The following CELF2 variants were observed in gnomAD, a reference collection of about 807,000 sequenced individuals.
The protein encoded by CELF2 is CUG triplet repeat RNA-binding protein 2.
In CELF2, 8 loss-of-function variants were observed where a neutral mutation model predicts 62.6. The ratio of observed to expected loss-of-function variants is 0.13; its 90% confidence interval spans 0.07 to 0.23. The LOEUF (loss-of-function observed/expected upper bound fraction) is 0.23, where lower values mean the gene tolerates loss of function less well. Ranked by LOEUF, CELF2 falls within the 10% of genes least tolerant of loss-of-function variation. CELF2 has a pLI of 1.00. For synonymous variants in CELF2, 258 were observed against 250.0 expected, an observed-to-expected ratio of 1.03 and a Z score of -0.30; for missense variants, 333 against 671.0, an observed-to-expected ratio of 0.50 and a Z score of 5.56.
chr10:10,792,080 G>GGGAGGAA, the CELF2 span, among the ~76,000 whole-genome samples: 1 of 147,700 alleles, frequency 6.8e-6, no homozygotes, highest in Non-Finnish European at 1.5e-5. Context: ...AAGGAGGAAA[G>GGGAGGAA]GGAGGGAGGG....
At chr10:11,271,850 G>A (rs1406473131) in intron 7 of CELF2, among the ~76,000 whole-genome samples, 1 of 152,048 alleles carries the variant, frequency 6.6e-6, no homozygotes, top group Admixed American at 6.5e-5. Context: ...TGTGTCAAAT[G>A]ATCCTCCCTA....
chr10:11,026,694 A>T (rs1192802095), intron 1 of CELF2, among the ~76,000 whole-genome samples: 1 of 152,150 alleles, frequency 6.6e-6, no homozygotes, highest in Non-Finnish European at 1.5e-5. Flanking sequence ...TATATGTTTT[A>T]AAAAATCTCC....
At chr10:10,511,797 C>T in the CELF2 span, among the ~76,000 whole-genome samples, 1 of 152,120 alleles carries the variant, frequency 6.6e-6, no homozygotes, top group East Asian at 1.9e-4. Flanking sequence ...TACAAATAGC[C>T]ACTTCAAACC....
chr10:10,839,846 A>C (rs1319831750), intron 1 of CELF2, among the ~76,000 whole-genome samples: 1 of 152,238 alleles, frequency 6.6e-6, no homozygotes, highest in East Asian at 1.9e-4. Context: ...CACTGCCCTA[A>C]AAATTCCTCT....
the CELF2 span, among the ~76,000 whole-genome samples, chr10:10,471,145 A>T: frequency 6.6e-6 from 1 of 151,684 alleles, no homozygotes; most frequent in African/African-American, 2.4e-5. Flanking sequence ...ATATATTTTG[A>T]TTTATGTCCC....
intron 2 of CELF2, among the ~76,000 whole-genome samples, chr10:11,166,701 A>G (rs1354831034): frequency 1.3e-5 from 2 of 152,072 alleles, no homozygotes; most frequent in South Asian, 2.1e-4. Flanking sequence ...TGCTTCTCCT[A>G]AGACCTCTGA....
At chr10:11,146,535 A>C (rs574251581) in intron 1 of CELF2, among the ~76,000 whole-genome samples, 1 of 152,172 alleles carries the variant, frequency 6.6e-6, no homozygotes, top group Non-Finnish European at 1.5e-5. Context: ...GTCTGTGGTC[A>C]TGGTTAACTG....
intron 1 of CELF2, among the ~76,000 whole-genome samples, chr10:10,848,949 AG>A (rs1209152095): frequency 1.3e-5 from 2 of 152,164 alleles, no homozygotes; most frequent in Admixed American, 1.3e-4. Context: ...ACCTGGGTGA[AG>A]GGGAAAAAAA....
the CELF2 span, among the ~76,000 whole-genome samples, chr10:10,523,222 G>C: frequency 2.0e-5 from 3 of 152,150 alleles, no homozygotes; most frequent in South Asian, 4.1e-4. Flanking sequence ...TCCACACAGT[G>C]ACTTCAAGCC....
At chr10:11,182,122 C>T (rs2073599626) in intron 2 of CELF2, among the ~76,000 whole-genome samples, 1 of 152,214 alleles carries the variant, frequency 6.6e-6, no homozygotes, top group African/African-American at 2.4e-5. Context: ...AGCAAGGGCT[C>T]TGAGCCCTCT....
intron 2 of CELF2, among the ~76,000 whole-genome samples, chr10:11,176,429 AAAATC>A (rs1288166475): frequency 6.6e-5 from 10 of 152,206 alleles, no homozygotes; most frequent in African/African-American, 2.4e-4. Context: ...CTGATGGATC[AAAATC>A]CCCTTGGCAC....
At chr10:10,757,628 A>C in the CELF2 span, among the ~76,000 whole-genome samples, 21 of 152,328 alleles carry the variant, frequency 1.4e-4, no homozygotes, top group Admixed American at 1.4e-3. Flanking sequence ...AAATATAAAA[A>C]GAGATACAAA....
the CELF2 span, among the ~76,000 whole-genome samples, chr10:10,583,610 A>G: frequency 0.38 from 57,574 of 151,976 alleles, 12,308 homozygotes; most frequent in East Asian, 0.6. Flanking sequence ...CAGGACTGGA[A>G]ATCAGTTTCT....
At chr10:10,893,412 A>G (rs2062295474) in intron 1 of CELF2, among the ~76,000 whole-genome samples, 1 of 152,194 alleles carries the variant, frequency 6.6e-6, no homozygotes. Flanking sequence ...GCTTAAACCC[A>G]GGAGTCAGGC....
At chr10:11,251,175 A>G (rs2077016953) in intron 4 of CELF2, among the ~76,000 whole-genome samples, 1 of 150,912 alleles carries the variant, frequency 6.6e-6, no homozygotes, top group Non-Finnish European at 1.5e-5. Context: ...GGTTTGTCTC[A>G]CTTCTGAACC....
chr10:10,767,483 T>C, the CELF2 span, among the ~76,000 whole-genome samples: 2 of 152,016 alleles, frequency 1.3e-5, no homozygotes, highest in African/African-American at 2.4e-5. Flanking sequence ...ATAAATAAAA[T>C]ATATATGTTA....
At chr10:10,636,458 G>C in the CELF2 span, among the ~76,000 whole-genome samples, 5 of 152,316 alleles carry the variant, frequency 3.3e-5, no homozygotes, top group African/African-American at 1.2e-4. Flanking sequence ...TTATGTTAAT[G>C]CTCTGTGCTA....
chr10:10,901,017 G>A (rs1269123001), intron 1 of CELF2, among the ~76,000 whole-genome samples: 1 of 152,208 alleles, frequency 6.6e-6, no homozygotes, highest in Admixed American at 6.5e-5. Context: ...ACAAAACATT[G>A]TGGAGAGAAA....
chr10:10,641,869 T>A, the CELF2 span, among the ~76,000 whole-genome samples: 6 of 152,228 alleles, frequency 3.9e-5, no homozygotes, highest in African/African-American at 1.2e-4. Context: ...AGTAGGTAAC[T>A]CTTAGGTTGC....
Sources: allele counts gnomAD v4.1 joint callset (sites outside exome capture counted in the v4.1 genomes callset), GRCh38; gene constraint gnomAD v4.1.1; transcripts MANE v1.5; gene names NCBI Gene and HGNC (gene_info 2026-07-23, HGNC 2026-07-21).